LRBA: variants seen among roughly 807,000 people sequenced by gnomAD.
LRBA encodes the protein lipopolysaccharide-responsive and beige-like anchor protein.
LRBA carries 176 observed loss-of-function variants against 330.0 expected under a neutral mutation model. The ratio of observed to expected loss-of-function variants is 0.53; its 90% CI spans 0.47 to 0.60. LRBA has a LOEUF of 0.60. LRBA is among the 20% of genes least tolerant of loss of function. LRBA has a pLI of 0.00. For missense variants in LRBA, 3,259 were observed against 3,444.8 expected (o/e 0.95, Z 1.35); for synonymous variants, 1,230 against 1,193.0 (o/e 1.03, Z -0.64).
chr4:150,802,043 A>C lies in LRBA; in HGVS notation c.5519-3901T>G, dbSNP rs759347743. Among the ~76,000 whole-genome samples the C allele has an allele frequency of 2.3e-3, 196 of 86,344 alleles. 2 individuals carry two copies. Among genetic ancestry groups the C allele is most frequent in the African/African-American group, 5.0e-3 (147 of 29,374 alleles). 56.6% of individuals were successfully genotyped at this position (86,344 alleles called of 152,430 possible). On this transcript the variant is annotated intron_variant, in intron 33 of 56. Transcript: ENST00000651943. ...TAAATAAATAAATAAATAAATAAAT[A>C]AATAAATCAATAAAATTTTTTAAAA...
intron 34 of LRBA, among the ~76,000 whole-genome samples, chr4:150,788,819 A>C (rs1387859043): frequency 6.6e-6 from 1 of 151,104 alleles, no homozygotes; most frequent in African/African-American, 2.4e-5. Flanking sequence ...TCACGCCTAT[A>C]ATCCCAGCAC....
intron 47 of LRBA, among the ~76,000 whole-genome samples, chr4:150,405,538 G>A (rs1184853873): frequency 6.6e-6 from 1 of 152,082 alleles, no homozygotes; most frequent in Non-Finnish European, 1.5e-5. Flanking sequence ...AGGTAAAGTA[G>A]TGAATACAAT....
intron 2 of LRBA, chr4:151,013,490 G>C (rs1745083369): frequency 6.6e-6 from 1 of 152,178 alleles, no homozygotes; most frequent in South Asian, 2.1e-4. Context: ...AACAGAGTGA[G>C]ACCTCATCTC....
At chr4:150,381,661 T>A (rs1742283403) in intron 47 of LRBA, among the ~76,000 whole-genome samples, 1 of 151,074 alleles carries the variant, frequency 6.6e-6, no homozygotes, top group Admixed American at 6.6e-5. Context: ...CTATAAACAT[T>A]AATGAATATG....
intron 28 of LRBA, among the ~76,000 whole-genome samples, chr4:150,836,676 C>A: frequency 6.6e-6 from 1 of 151,812 alleles, no homozygotes; most frequent in East Asian, 1.9e-4. Context: ...TCATTCGATT[C>A]TTCTCTCTTT....
chr4:150,736,154 C>T (rs1209776496), intron 35 of LRBA, among the ~76,000 whole-genome samples: 1 of 152,176 alleles, frequency 6.6e-6, no homozygotes, highest in East Asian at 1.9e-4. Context: ...CTTGAGTCAG[C>T]TCAGACCCTA....
At chr4:150,459,023 T>C (rs1000337501) in intron 44 of LRBA, among the ~76,000 whole-genome samples, 2 of 151,966 alleles carry the variant, frequency 1.3e-5, no homozygotes, top group Non-Finnish European at 2.9e-5. Flanking sequence ...GGAAATCAAG[T>C]GGGCTCGAAG....
intron 37 of LRBA, among the ~76,000 whole-genome samples, chr4:150,674,393 T>C (rs148977112): frequency 8.8e-4 from 132 of 149,962 alleles, no homozygotes; most frequent in African/African-American, 3.1e-3. Context: ...AACAGTAAAG[T>C]CTAAAAAAAA....
At chr4:150,986,245 G>A (rs564954474) in intron 2 of LRBA, among the ~76,000 whole-genome samples, 3 of 152,298 alleles carry the variant, frequency 2.0e-5, no homozygotes, top group East Asian at 1.9e-4. Context: ...GGGGTCAGAG[G>A]TGGGTGGATG....
chr4:150,594,239 A>G (rs1386066578), intron 38 of LRBA, among the ~76,000 whole-genome samples: 1 of 151,970 alleles, frequency 6.6e-6, no homozygotes, highest in Non-Finnish European at 1.5e-5. Context: ...AAAATTACCA[A>G]CAGTACTCTA....
At chr4:150,401,515 C>T (rs1371965602) in intron 47 of LRBA, among the ~76,000 whole-genome samples, 1 of 151,988 alleles carries the variant, frequency 6.6e-6, no homozygotes, top group Admixed American at 6.6e-5. Flanking sequence ...AATGGCAGCC[C>T]TAGGAAACTA....
In LRBA at chr4:150,350,084, G is replaced by C. The variant is rs772358724; in HGVS notation, c.7270C>G (p.Pro2424Ala). Residue 2424 changes from proline to alanine, a missense_variant, in exon 48 of 57, where the codon CCA (proline) becomes GCA (alanine). Physicochemically the swap from Pro to Ala is conservative, Grantham distance 27 (BLOSUM62 -1). Transcript: ENST00000651943. ...ACATTGAGGGCTCGGACAGCTTCTG[G>C]TCCTTGCTGTTTATAGCCAAAAATG... ...DLIFGYKQQG[P>A]EAVRALNVFY... is the part of the protein sequence containing the mutation. 4.3e-6 allele frequency: 7 copies of C among 1,610,414 alleles called. No individual in the cohort carries two copies. The highest frequency in any genetic ancestry group is 5.9e-6 in the Non-Finnish European group (7 of 1,178,710).
At chr4:150,810,388 C>A (rs1026516266) in intron 31 of LRBA, among the ~76,000 whole-genome samples, 2 of 151,614 alleles carry the variant, frequency 1.3e-5, no homozygotes, top group Admixed American at 1.3e-4. Flanking sequence ...TTTTCCACAA[C>A]ATATTTCCTT....
chr4:150,348,669 G>T (rs939264838), intron 48 of LRBA, among the ~76,000 whole-genome samples: 1 of 152,030 alleles, frequency 6.6e-6, no homozygotes, highest in African/African-American at 2.4e-5. Flanking sequence ...ATTACTACAG[G>T]ATAACAGGAG....
chr4:150,321,190 C>T lies in LRBA; in HGVS notation c.7630+1G>A, dbSNP rs1247224300. Reference sequence around the variant, plus strand: ...CCTTATAATGGTATTTCTTTACTTACCAGGAAGGTTGTGCCATTTGTTCAC... The same window carrying T: ...CCTTATAATGGTATTTCTTTACTTATCAGGAAGGTTGTGCCATTTGTTCAC... On this transcript the variant is annotated splice_donor_variant, in intron 50 of 56. Coordinates refer to ENST00000651943, the MANE Select transcript of LRBA (RefSeq NM_001364905.1). LOFTEE classifies it high-confidence loss of function. The surrounding 1 kb of genome is among the most constrained non-coding windows in gnomAD (Gnocchi z 4.5). 6.2e-7 allele frequency: 1 copy of T among 1,606,144 alleles called. No individual in the cohort carries two copies. The highest frequency in any genetic ancestry group is 8.5e-7 in the Non-Finnish European group (1 of 1,177,242).
intron 36 of LRBA, among the ~76,000 whole-genome samples, chr4:150,728,226 A>C (rs944346436): frequency 6.6e-6 from 1 of 152,170 alleles, no homozygotes; most frequent in Non-Finnish European, 1.5e-5. Context: ...AAAGTATCCC[A>C]GTAAAGAAAA....
At chr4:150,817,349 T>C in intron 30 of LRBA, 92 bp from the exon 31 acceptor site, 1 of 1,160,716 alleles carries the variant, frequency 8.6e-7, no homozygotes. Context: ...GTAGCTAACT[T>C]ATTTTTCTAA....
chr4:150,411,503 A>C (rs78102998), intron 47 of LRBA, among the ~76,000 whole-genome samples: 25 of 152,272 alleles, frequency 1.6e-4, no homozygotes, highest in African/African-American at 5.8e-4. Flanking sequence ...GTATTGTATA[A>C]TCTGTTATTA....
Position 150,435,593 on chromosome 4 carries a change from A to G in LRBA, c.7037T>C (p.Ile2346Thr). Residue 2346 changes from isoleucine to threonine, a missense_variant, in exon 46 of 57, where the codon ATT becomes ACT. Coordinates refer to ENST00000651943, the MANE Select transcript of LRBA (RefSeq NM_001364905.1). ...TAAAACAAAACATTTCTGTACCTTA[A>G]TATCAGAGGTATCACGCTGACTGTT... is the stretch of plus-strand genomic sequence containing the variant. ...WRNSQRDTSD[I>T]KELIPEFYYL... is the part of the protein sequence containing the mutation. The G allele has an allele frequency of 1.2e-6, 2 of 1,606,938 alleles. No homozygotes were observed. Among genetic ancestry groups the G allele is most frequent in the East Asian group, 2.2e-5 (1 of 44,776 alleles).
Sources: gnomAD v4.1 joint callset for allele counts (sites outside exome capture counted in the v4.1 genomes callset) on GRCh38, gnomAD v4.1.1 for gene constraint, Gnocchi (gnomAD v3.1) non-coding constraint, MANE v1.5 for transcripts, NCBI Gene and HGNC (gene_info 2026-07-23, HGNC 2026-07-21) for gene names.